WIZ: variants seen among roughly 807,000 people sequenced by gnomAD.
The protein encoded by WIZ is protein Wiz.
WIZ carries 25 observed loss-of-function variants against 140.2 expected under a neutral mutation model. The ratio of observed to expected loss-of-function variants is 0.18; its 90% CI spans 0.13 to 0.25. WIZ has a LOEUF of 0.25. Among genes scored for constraint, WIZ ranks in the 10% least tolerant of loss-of-function variants. The pLI is 1.00. For synonymous variants in WIZ, 1,125 were observed against 1,154.3 expected (o/e 0.97, Z 0.51); for missense variants, 2,231 against 2,632.6 (o/e 0.85, Z 3.34).
At position 15,428,572 on chromosome 19, in the gene WIZ, G is replaced by A; in HGVS notation, c.3416-64C>T. On this transcript the variant is annotated intron_variant, in intron 7 of 12. Transcript: ENST00000673675. The surrounding 1 kb of genome is among the most constrained non-coding windows in gnomAD (Gnocchi z 6.4). ...CCTTGGCCGGCCTTGGGGGCCTGAGGTAGGAGGGTCTGGTGTGATTTTTGG... is the reference window on the plus strand; with the variant it reads ...CCTTGGCCGGCCTTGGGGGCCTGAGATAGGAGGGTCTGGTGTGATTTTTGG... The A allele has an allele frequency of 6.5e-7, 1 of 1,532,550 alleles. No individual in the cohort carries two copies. The highest frequency in any genetic ancestry group is 8.7e-7 in the Non-Finnish European group (1 of 1,144,886). 94.9% of individuals were successfully genotyped at this position (1,532,550 alleles called of 1,614,324 possible).
rs1599643595 is a variant in WIZ, at chr19:15,424,260, T to C, written c.5433A>G (p.Pro1811=). The C allele has an allele frequency of 6.3e-7, 1 of 1,589,554 alleles. No homozygotes were observed. The highest frequency in any genetic ancestry group is 8.5e-7 in the Non-Finnish European group (1 of 1,171,008). Residue 1811 remains proline, a synonymous_variant, in exon 12 of 13, where the codon CCA becomes CCG. Coordinates refer to ENST00000673675, the MANE Select transcript of WIZ (RefSeq NM_001371589.1). The surrounding 1 kb of genome is among the most constrained non-coding windows in gnomAD (Gnocchi z 9.7). ...GGGGCCGGGGCACCAGGGAGGGGAC[T>C]GGCCGGACTCGGGGTGGGGGTTGCC... ...EVRQPPPRVR[P]VPSLVPRPPQ...
chr19:15,427,985 G>T lies in WIZ; in HGVS notation c.3814+125C>A. The T allele has an allele frequency of 7.4e-7, 1 of 1,358,558 alleles. No homozygotes were observed. The highest frequency in any genetic ancestry group is 9.7e-7 in the Non-Finnish European group (1 of 1,025,708). The allele number at this position is 1,358,558 out of a possible 1,614,324, so 84.2% of individuals were successfully genotyped here. A position where few individuals can be genotyped will look rare whatever the true frequency, so the allele number is the denominator to read the frequency against. On this transcript the variant is annotated intron_variant, in intron 8 of 12. Coordinates refer to ENST00000673675, the MANE Select transcript of WIZ (RefSeq NM_001371589.1). This position sits in a 1 kb window ranked among gnomAD's most constrained non-coding sequence, Gnocchi z 6.4. ...CCACTGCCAACAAGATCTCTGGGCAGAACCGGCCCACTGCCAAGGGCCCCT... is the reference window on the plus strand; with the variant it reads ...CCACTGCCAACAAGATCTCTGGGCATAACCGGCCCACTGCCAAGGGCCCCT...
At chr19:15,446,690 G>A (rs1372890501) in intron 2 of WIZ, among the ~76,000 whole-genome samples, 1 of 152,134 alleles carries the variant, frequency 6.6e-6, no homozygotes, top group Non-Finnish European at 1.5e-5. Flanking sequence ...GGAACTCCTG[G>A]TTGCTCCCCA....
Position 15,438,620 on chromosome 19 carries a change from C to T in WIZ, c.2374G>A (p.Ala792Thr), listed in dbSNP as rs1466837090. ...RHFISAEEVK[A>T]IERRFSFQKK... ...TGGAAGGAGAACCTGCGCTCAATGG[C>T]CTTCACCTCCTCAGCGGAGATGAAA... is the stretch of plus-strand genomic sequence containing the variant. Residue 792 changes from alanine to threonine, a missense_variant, in exon 4 of 13, where the codon GCC (alanine) becomes ACC (threonine). By Grantham distance (58) the Ala-to-Thr change is moderately conservative. Coordinates refer to ENST00000673675, the MANE Select transcript of WIZ (RefSeq NM_001371589.1). 5 of 1,525,554 alleles carry T rather than the reference C, an allele frequency of 3.3e-6. No homozygotes were observed. Among genetic ancestry groups the T allele is most frequent in the East Asian group, 4.9e-5 (2 of 40,608 alleles). The allele number at this position is 1,525,554 out of a possible 1,614,324, so 94.5% of individuals were successfully genotyped here. A position where few individuals can be genotyped will look rare whatever the true frequency, so the allele number is the denominator to read the frequency against.
At position 15,437,040 on chromosome 19, in the gene WIZ, C is replaced by T. The variant is rs1352418357; in HGVS notation, c.2506G>A (p.Ala836Thr). 6 of 1,613,518 alleles carry T rather than the reference C, an allele frequency of 3.7e-6. No individual in the cohort carries two copies. The highest frequency in any genetic ancestry group is 4.2e-6 in the Non-Finnish European group (5 of 1,179,862). Residue 836 changes from alanine (A) to threonine (T), a missense_variant, in exon 5 of 13, where the codon GCC becomes ACC. By Grantham distance (58) the Ala-to-Thr change is moderately conservative (BLOSUM62 0). Coordinates refer to ENST00000673675, the MANE Select transcript of WIZ (RefSeq NM_001371589.1). ...FDTRAGLSSH[A>T]RAHLRDFGIT... ...CCGAAGTCACGTAGGTGGGCCCGGG[C>T]GTGGCTGGAGAGGCCGGCCCGTGTG...
chr19:15,435,534 G>T (rs928505047), intron 5 of WIZ, among the ~76,000 whole-genome samples: 7 of 152,166 alleles, frequency 4.6e-5, no homozygotes, highest in African/African-American at 9.7e-5. Context: ...GCAAACATTG[G>T]TTGAAAATCT....
intron 9 of WIZ, 136 bp downstream of exon 9, chr19:15,426,846 C>T (rs1968854402): frequency 3.8e-6 from 4 of 1,039,006 alleles, no homozygotes; most frequent in East Asian, 4.9e-5. Flanking sequence ...CAGGAATACA[C>T]AGCTAACCCT....
chr19:15,428,548 C>T lies in WIZ; in HGVS notation c.3416-40G>A. On this transcript the variant is annotated intron_variant, in intron 7 of 12. Transcript: ENST00000673675. The surrounding 1 kb of genome is among the most constrained non-coding windows in gnomAD (Gnocchi z 6.4). ...CACAGGGGGGGTTCACGGCCGCCAC[C>T]TTGGCCGGCCTTGGGGGCCTGAGGT... 1 of 1,534,980 alleles carries T rather than the reference C, an allele frequency of 6.5e-7. No individual in the cohort carries two copies. The highest frequency in any genetic ancestry group is 8.7e-7 in the Non-Finnish European group (1 of 1,146,590).
intron 9 of WIZ, 58 bp from the exon 10 acceptor site, chr19:15,425,826 G>GGAGGA: frequency 1.5e-5 from 1 of 68,622 alleles, no homozygotes; most frequent in Non-Finnish European, 2.2e-5. Context: ...GGGAGGAGGA[G>GGAGGA]GGAGGAGGAG....
chr19:15,429,016 C>T (rs993516532), intron 7 of WIZ, among the ~76,000 whole-genome samples: 3 of 152,214 alleles, frequency 2.0e-5, no homozygotes, highest in African/African-American at 7.2e-5. Context: ...TTGTAAGGGA[C>T]GTCCTTGTTA....
At position 15,432,602 on chromosome 19, in the gene WIZ, GCGC is replaced by G. The variant is rs1301316975; in HGVS notation, c.2741-1423_2741-1421del. ...CCCGGGCTCGGGGGGCTGGGCGGGG[GCGC>G]CCCCGCGGGCGCGCGCTCCCGGGCG... On this transcript the variant is annotated intron_variant, in intron 5 of 12. Transcript: ENST00000673675. 11 of 260,842 alleles carry G rather than the reference GCGC, an allele frequency of 4.2e-5. No individual in the cohort carries two copies. The South Asian group carries it at 1.4e-3, about 34-fold the overall frequency. 16.2% of individuals were successfully genotyped at this position (260,842 alleles called of 1,614,324 possible). A position where few individuals can be genotyped will look rare whatever the true frequency, so the allele number is the denominator to read the frequency against.
intron 7 of WIZ, among the ~76,000 whole-genome samples, chr19:15,429,094 A>G (rs1969050329): frequency 1.3e-5 from 2 of 152,160 alleles, no homozygotes; most frequent in African/African-American, 4.8e-5. Flanking sequence ...GCAGCCCAGG[A>G]GGTGGGGCTT....
At chr19:15,425,089 G>A (rs1186744897) in intron 10 of WIZ, 57 bp from the exon 11 acceptor site, 22 of 1,508,212 alleles carry the variant, frequency 1.5e-5, no homozygotes, top group Non-Finnish European at 1.9e-5. Flanking sequence ...GGTGCACCCA[G>A]ATGGCCCTGC....
Position 15,440,807 on chromosome 19 carries a change from C to T in WIZ, c.279-92G>A, listed in dbSNP as rs1314812494. 3.8e-6 allele frequency: 5 copies of T among 1,322,928 alleles called. No homozygotes were observed. In the African/African-American group the frequency reaches 7.4e-5, roughly 20 times the overall value. 81.9% of individuals were successfully genotyped at this position (1,322,928 alleles called of 1,614,324 possible). ...GGGGGTCCTCCCAGGCCGTTTGAAGCAGGCCCCGGAGATCCAGCCCGAGGG... is the reference window on the plus strand; with the variant it reads ...GGGGGTCCTCCCAGGCCGTTTGAAGTAGGCCCCGGAGATCCAGCCCGAGGG... On this transcript the variant is annotated intron_variant, in intron 3 of 12. Transcript: ENST00000673675. The surrounding 1 kb of genome is among the most constrained non-coding windows in gnomAD (Gnocchi z 6.2).
At position 15,424,781 on chromosome 19, in the gene WIZ, G is replaced by A. The variant is rs769334723; in HGVS notation, c.5146C>T (p.Arg1716Trp). The A allele has an allele frequency of 2.6e-5, 41 of 1,592,282 alleles. No homozygotes were observed. Among genetic ancestry groups the A allele is most frequent in the Non-Finnish European group, 3.4e-5 (40 of 1,170,932 alleles). Residue 1716 changes from arginine (R) to tryptophan (W), a missense_variant, in exon 11 of 13, where the codon CGG (arginine) becomes TGG (tryptophan). Physicochemically the swap from Arg to Trp is moderately radical, Grantham distance 101. Transcript: ENST00000673675. This position sits in a 1 kb window ranked among gnomAD's most constrained non-coding sequence, Gnocchi z 9.7. ...SAGHGRDSDKRPSLGLAPGGL... is the reference protein window; with the variant it reads ...SAGHGRDSDKWPSLGLAPGGL... ...CCGGGTGCCAGCCCCAGGGACGGCC[G>A]CTTGTCACTGTCACGGCCATGGCCG...
intron 1 of WIZ, 22 bp from the exon 2 acceptor site, chr19:15,448,389 T>A: frequency 1.3e-6 from 2 of 1,527,954 alleles, no homozygotes; most frequent in South Asian, 2.3e-5. Context: ...GAGAAGGAAG[T>A]GCTTAGGGGA....
At chr19:15,431,819 CATCT>C (rs1373107265) in intron 5 of WIZ, among the ~76,000 whole-genome samples, 1 of 152,234 alleles carries the variant, frequency 6.6e-6, no homozygotes, top group Non-Finnish European at 1.5e-5. Flanking sequence ...GTTTCTGAGA[CATCT>C]ATCAGGCCCG....
chr19:15,426,939 C>A (rs1968861413), intron 9 of WIZ, 43 bp downstream of exon 9: 1 of 1,560,808 alleles, frequency 6.4e-7, no homozygotes, highest in African/African-American at 1.4e-5. Flanking sequence ...GGGAGGAGAC[C>A]CCTCCAACTG....
intron 5 of WIZ, among the ~76,000 whole-genome samples, chr19:15,434,550 G>A (rs556602816): frequency 3.0e-5 from 4 of 135,452 alleles, no homozygotes; most frequent in Non-Finnish European, 4.5e-5. Context: ...GCGACAGAGC[G>A]ATACTCCATC....
Sources: allele counts gnomAD v4.1 joint callset (sites outside exome capture counted in the v4.1 genomes callset), GRCh38; gene constraint gnomAD v4.1.1; non-coding constraint Gnocchi (gnomAD v3.1); transcripts MANE v1.5; gene names NCBI Gene and HGNC (gene_info 2026-07-23, HGNC 2026-07-21).